The following DOCK9 variants were observed in gnomAD, a reference collection of about 807,000 sequenced individuals.
The protein encoded by DOCK9 is dedicator of cytokinesis protein 9.
A neutral mutation model predicts 263.3 loss-of-function variants in DOCK9; 89 were observed. That is an observed-to-expected ratio of 0.34 (90% CI 0.28 to 0.40). DOCK9 has a LOEUF of 0.40. Among genes scored for constraint, DOCK9 ranks in the 10% least tolerant of loss-of-function variants. The pLI is 1.00. For missense variants in DOCK9, 2,140 were observed against 2,603.4 expected (o/e 0.82, Z 3.87); for synonymous variants, 976 against 973.1 (o/e 1.00, Z -0.06).
At chr13:98,861,719 T>TA (rs2093876328) in intron 32 of DOCK9, among the ~76,000 whole-genome samples, 1 of 152,024 alleles carries the variant, frequency 6.6e-6, no homozygotes, top group South Asian at 2.1e-4. Flanking sequence ...AGAGACTGAG[T>TA]AAAAAAGAGC....
intron 41 of DOCK9, among the ~76,000 whole-genome samples, chr13:98,830,665 C>T (rs751084904): frequency 6.6e-6 from 1 of 152,202 alleles, no homozygotes; most frequent in Non-Finnish European, 1.5e-5. Context: ...GGTGCCCCTC[C>T]TGATACACTC....
intron 1 of DOCK9, among the ~76,000 whole-genome samples, chr13:98,973,805 C>T (rs2059965905): frequency 6.6e-6 from 1 of 152,066 alleles, no homozygotes; most frequent in Admixed American, 6.5e-5. Context: ...GCCATGTTGC[C>T]CAAACTGGTT....
At position 98,867,599 on chromosome 13, in the gene DOCK9, A is replaced by G. The variant is rs1487125952; in HGVS notation, c.3175-63T>C. Reference sequence around the variant, plus strand: ...GATATTTTATACAGGATTCTAAAAAACCTATTAGCAATAGTATGCTAGAAA... The same window carrying G: ...GATATTTTATACAGGATTCTAAAAAGCCTATTAGCAATAGTATGCTAGAAA... On this transcript the variant is annotated intron_variant, in intron 29 of 52. Transcript: ENST00000682017. 9 of 1,077,864 alleles carry G rather than the reference A, an allele frequency of 8.3e-6. No individual in the cohort carries two copies. The East Asian group carries it at 2.1e-4, about 26-fold the overall frequency. The allele number at this position is 1,077,864 out of a possible 1,614,324, so 66.8% of individuals were successfully genotyped here.
At chr13:98,831,096 A>G (rs1262179936) in intron 41 of DOCK9, among the ~76,000 whole-genome samples, 1 of 152,218 alleles carries the variant, frequency 6.6e-6, no homozygotes, top group Non-Finnish European at 1.5e-5. Context: ...TTCTTGATTC[A>G]ATGGAATTTT....
At chr13:98,903,309 A>G (rs918736034) in intron 10 of DOCK9, among the ~76,000 whole-genome samples, 197 bp from the exon 11 acceptor site, 12 of 152,150 alleles carry the variant, frequency 7.9e-5, no homozygotes, top group African/African-American at 2.9e-4. Flanking sequence ...GGTCAAAGAC[A>G]TGGGCCGGGC....
At chr13:98,813,047 C>G (rs1207750559) in intron 45 of DOCK9, among the ~76,000 whole-genome samples, 1 of 152,070 alleles carries the variant, frequency 6.6e-6, no homozygotes, top group African/African-American at 2.4e-5. Flanking sequence ...ATGAACTATA[C>G]AGTAAAACCA....
intron 1 of DOCK9, among the ~76,000 whole-genome samples, chr13:98,995,689 C>G (rs1258015533): frequency 6.6e-6 from 1 of 151,912 alleles, no homozygotes; most frequent in Admixed American, 6.6e-5. Flanking sequence ...GGGGTTTCAG[C>G]GTGTTAGCCA....
In DOCK9 at chr13:98,881,997, G is replaced by A. The variant is rs1049933462; in HGVS notation, c.2570C>T (p.Ala857Val). 1.9e-6 allele frequency: 3 copies of A among 1,588,570 alleles called. No homozygotes were observed. Among genetic ancestry groups the A allele is most frequent in the Non-Finnish European group, 2.6e-6 (3 of 1,167,052 alleles). The change falls in exon 24 of 53, where the codon GCG becomes GTG. Residue 857 changes from alanine to valine, a missense_variant. Around this residue, in one of 2 missense-constraint regions of DOCK9, gnomAD observed 1,521 missense variants for 1,741.7 expected, o/e 0.87. Transcript: ENST00000682017. Reference protein sequence around the residue: ...ELVKYLKSLHAMEGHVMIAFL... With the variant: ...ELVKYLKSLHVMEGHVMIAFL... ...GGCGATCATCACGTGGCCTTCCATC[G>A]CATGCAGACTCTACGGACACAGAAT... is the stretch of plus-strand genomic sequence containing the variant.
chr13:98,973,416 C>A, intron 1 of DOCK9, among the ~76,000 whole-genome samples: 1 of 152,118 alleles, frequency 6.6e-6, no homozygotes, highest in Admixed American at 6.5e-5. Flanking sequence ...CTGGTGTGTC[C>A]AACCAGAAGC....
intron 41 of DOCK9, among the ~76,000 whole-genome samples, chr13:98,830,078 G>C (rs1227918294): frequency 3.3e-5 from 5 of 152,204 alleles, no homozygotes; most frequent in African/African-American, 1.2e-4. Flanking sequence ...CTAACCAAGA[G>C]GGAGACATGA....
chr13:99,009,939 CAGTT>C (rs1350901478), intron 1 of DOCK9, among the ~76,000 whole-genome samples: 2 of 147,820 alleles, frequency 1.4e-5, no homozygotes, highest in African/African-American at 5.0e-5. Flanking sequence ...ATGTTGAAGA[CAGTT>C]AGGAAATCTT....
chr13:98,875,252 A>C (rs921489074), intron 27 of DOCK9, among the ~76,000 whole-genome samples: 2 of 152,192 alleles, frequency 1.3e-5, no homozygotes, highest in African/African-American at 4.8e-5. Flanking sequence ...CAACTGTTCA[A>C]AACACTTGAG....
chr13:98,915,506 G>A lies in DOCK9; in HGVS notation c.718-3C>T, dbSNP rs2050743034. On this transcript the variant is annotated splice_polypyrimidine_tract_variant and splice_region_variant and intron_variant, in intron 7 of 52. Transcript: ENST00000682017. ...GCAAAACGCCTGACTTTGTTGTTCTGAAATGAAAAAAGGATAAACAGACAT... is the reference window on the plus strand; with the variant it reads ...GCAAAACGCCTGACTTTGTTGTTCTAAAATGAAAAAAGGATAAACAGACAT... 3 of 1,598,808 alleles carry A rather than the reference G, an allele frequency of 1.9e-6. No homozygotes were observed. Among genetic ancestry groups the A allele is most frequent in the Non-Finnish European group, 2.6e-6 (3 of 1,175,294 alleles).
chr13:98,890,463 G>A (rs904776607), intron 15 of DOCK9, among the ~76,000 whole-genome samples: 24 of 152,144 alleles, frequency 1.6e-4, no homozygotes, highest in African/African-American at 5.6e-4. Flanking sequence ...GCTTAGCGGC[G>A]CAGTTACAAA....
chr13:98,932,341 G>A (rs757069276), intron 2 of DOCK9, among the ~76,000 whole-genome samples: 3 of 152,188 alleles, frequency 2.0e-5, no homozygotes, highest in Non-Finnish European at 4.4e-5. Flanking sequence ...GTTGCAGTAA[G>A]CCAAGATGGT....
At chr13:99,016,398 G>A (rs1438119119) in intron 1 of DOCK9, among the ~76,000 whole-genome samples, 3 of 152,270 alleles carry the variant, frequency 2.0e-5, no homozygotes. Context: ...TAGCAAGATT[G>A]CACTGCTTAA....
At chr13:99,027,802 A>T (rs1394707908) in intron 1 of DOCK9, among the ~76,000 whole-genome samples, 1 of 152,202 alleles carries the variant, frequency 6.6e-6, no homozygotes, top group Non-Finnish European at 1.5e-5. Context: ...CATGGCCTAC[A>T]ATTTGAAAAA....
chr13:99,083,714 T>C (rs898154610), intron 1 of DOCK9, among the ~76,000 whole-genome samples: 5 of 152,234 alleles, frequency 3.3e-5, no homozygotes, highest in Admixed American at 1.3e-4. Flanking sequence ...AATGAAGCTA[T>C]TGAACAATGA....
chr13:99,038,105 CA>C (rs1888078214), intron 1 of DOCK9, among the ~76,000 whole-genome samples: 1 of 152,086 alleles, frequency 6.6e-6, no homozygotes, highest in African/African-American at 2.4e-5. Flanking sequence ...CAATTATCAT[CA>C]ATAAAGTGAT....
Sources: gnomAD v4.1 joint callset for allele counts (sites outside exome capture counted in the v4.1 genomes callset) on GRCh38, gnomAD v4.1.1 for gene constraint, gnomAD v4.1.1 regional missense constraint, MANE v1.5 for transcripts, NCBI Gene and HGNC (gene_info 2026-07-23, HGNC 2026-07-21) for gene names.